Variants in GRIK2 observed in about 807,000 individuals in gnomAD.
GRIK2 encodes the protein glutamate ionotropic receptor kainate type subunit 2, also known as glutamate receptor ionotropic, kainate 2.
GRIK2 carries 32 observed loss-of-function variants against 100.3 expected under a neutral mutation model. The ratio of observed to expected loss-of-function variants is 0.32; its 90% CI spans 0.24 to 0.43. The LOEUF is 0.43. Ranked by LOEUF, GRIK2 falls within the 20% of genes least tolerant of loss-of-function variation. GRIK2 has a pLI of 1.00. For missense variants in GRIK2, 843 were observed against 1,114.9 expected (o/e 0.76, Z 3.47); for synonymous variants, 417 against 389.4 (o/e 1.07, Z -0.83).
chr6:101,856,679 G>A (rs1407724747), intron 10 of GRIK2, among the ~76,000 whole-genome samples: 5 of 152,172 alleles, frequency 3.3e-5, no homozygotes, highest in African/African-American at 9.7e-5. Context: ...GGAAACGTGA[G>A]TTCACTGAAT....
intron 14 of GRIK2, among the ~76,000 whole-genome samples, chr6:101,941,370 A>G (rs1289006999): frequency 6.6e-6 from 1 of 152,130 alleles, no homozygotes; most frequent in African/African-American, 2.4e-5. Flanking sequence ...CAATGAATGA[A>G]CATTGCAATT....
At chr6:101,588,662 G>GCACACGCACA (rs143076626) in intron 2 of GRIK2, among the ~76,000 whole-genome samples, 22,627 of 146,242 alleles carry the variant, frequency 0.15, 2,111 homozygotes, top group East Asian at 0.41. Context: ...TGACACACAC[G>GCACACGCACA]CACACGCACA....
chr6:101,539,969 GAAT>G (rs1775905005), intron 2 of GRIK2, among the ~76,000 whole-genome samples: 1 of 151,774 alleles, frequency 6.6e-6, no homozygotes, highest in African/African-American at 2.4e-5. Context: ...AAAAATTGGA[GAAT>G]AAGTGTGCAT....
At chr6:101,588,480 C>G (rs908034718) in intron 2 of GRIK2, among the ~76,000 whole-genome samples, 6 of 194 alleles carry the variant, frequency 0.031, no homozygotes, top group Non-Finnish European at 0.061. Context: ...CAGAATTGTT[C>G]TAAGATAAGG....
chr6:101,581,940 A>G (rs911854286), intron 2 of GRIK2, among the ~76,000 whole-genome samples: 1 of 152,100 alleles, frequency 6.6e-6, no homozygotes, highest in African/African-American at 2.4e-5. Context: ...ACCTTGAATT[A>G]TAATAATCCC....
intron 7 of GRIK2, among the ~76,000 whole-genome samples, chr6:101,748,117 A>G (rs1468313559): frequency 6.6e-6 from 1 of 152,212 alleles, no homozygotes; most frequent in Non-Finnish European, 1.5e-5. Context: ...TGGTTGGGTT[A>G]AGTTATAACA....
intron 2 of GRIK2, among the ~76,000 whole-genome samples, chr6:101,421,262 A>G (rs942037672): frequency 6.6e-6 from 1 of 152,204 alleles, no homozygotes; most frequent in Non-Finnish European, 1.5e-5. Context: ...GTCTCAGGAA[A>G]GGCTTTATTC....
chr6:101,904,805 T>C (rs1788113778), intron 12 of GRIK2, among the ~76,000 whole-genome samples: 2 of 151,574 alleles, frequency 1.3e-5, no homozygotes, highest in Admixed American at 6.6e-5. Flanking sequence ...TTATTTTGTG[T>C]TTATTGCAAG....
intron 2 of GRIK2, among the ~76,000 whole-genome samples, chr6:101,529,326 C>T (rs1775306417): frequency 6.6e-6 from 1 of 152,008 alleles, no homozygotes; most frequent in Non-Finnish European, 1.5e-5. Context: ...AATGTATTCT[C>T]ACCCGATAAT....
intron 7 of GRIK2, among the ~76,000 whole-genome samples, chr6:101,764,644 TATC>T: frequency 6.6e-6 from 1 of 152,078 alleles, no homozygotes; most frequent in South Asian, 2.1e-4. Context: ...TTCTCTTCAT[TATC>T]ATCATTGTTA....
intron 15 of GRIK2, among the ~76,000 whole-genome samples, chr6:102,042,370 A>G (rs1003984000): frequency 2.6e-5 from 4 of 151,654 alleles, no homozygotes; most frequent in African/African-American, 9.7e-5. Context: ...TATAAACATA[A>G]ATCATCTTTC....
chr6:102,065,247 A>C (rs1182340885), intron 16 of GRIK2, among the ~76,000 whole-genome samples: 1 of 151,262 alleles, frequency 6.6e-6, no homozygotes, highest in Non-Finnish European at 1.5e-5. Context: ...AATATAATTT[A>C]TTTAAGACAA....
intron 2 of GRIK2, among the ~76,000 whole-genome samples, chr6:101,617,054 G>A (rs1373374841): frequency 6.6e-6 from 1 of 151,440 alleles, no homozygotes; most frequent in East Asian, 1.9e-4. Context: ...ATGCATAGAT[G>A]TTTTTCAAAT....
At chr6:101,597,067 C>A (rs190919260) in intron 2 of GRIK2, among the ~76,000 whole-genome samples, 1 of 151,686 alleles carries the variant, frequency 6.6e-6, no homozygotes, top group African/African-American at 2.4e-5. Flanking sequence ...CCATAGAAAA[C>A]AACAAAATTA....
intron 14 of GRIK2, among the ~76,000 whole-genome samples, chr6:101,994,481 T>A (rs1462729336): frequency 6.6e-6 from 1 of 151,914 alleles, no homozygotes; most frequent in Non-Finnish European, 1.5e-5. Context: ...ACTAGCATTT[T>A]AAATACTTTT....
At chr6:101,475,833 C>T (rs540908919) in intron 2 of GRIK2, among the ~76,000 whole-genome samples, 24 of 152,004 alleles carry the variant, frequency 1.6e-4, no homozygotes, top group Non-Finnish European at 3.5e-4. Flanking sequence ...TCACTGATAC[C>T]TACTAAAACA....
In GRIK2 at chr6:101,686,301, G is replaced by T. The variant is rs1180999815; in HGVS notation, c.899G>T (p.Arg300Leu). The stretch of plus-strand genomic sequence containing the variant: ...ATCATTGAAAAGTGGTCGATGGAAC[G>T]ATTGCAGGCACCTCCGAAACCCGAT... ...SSIIEKWSMERLQAPPKPDSG... is the reference protein window; with the variant it reads ...SSIIEKWSMELLQAPPKPDSG... The change falls in exon 7 of 17, where the codon CGA (arginine) becomes CTA (leucine). Residue 300 changes from arginine (R) to leucine (L), a missense_variant. By Grantham distance (102) the Arg-to-Leu change is moderately radical. This residue lies in a region of GRIK2 where 519 missense variants were observed against 643.8 expected (regional missense o/e 0.81). Coordinates refer to ENST00000369134, the MANE Select transcript of GRIK2 (RefSeq NM_021956.5). 1.9e-6 allele frequency: 3 copies of T among 1,613,482 alleles called. No homozygotes were observed. The highest frequency in any genetic ancestry group is 1.7e-6 in the Non-Finnish European group (2 of 1,179,540).
At chr6:101,675,306 CCACACACACA>C (rs3056135) in intron 4 of GRIK2, among the ~76,000 whole-genome samples, 1 of 149,206 alleles carries the variant, frequency 6.7e-6, no homozygotes, top group African/African-American at 2.5e-5. Context: ...CACACACACA[CCACACACACA>C]CACACACACA....
At chr6:101,575,713 G>C (rs1246163781) in intron 2 of GRIK2, among the ~76,000 whole-genome samples, 1 of 151,960 alleles carries the variant, frequency 6.6e-6, no homozygotes, top group African/African-American at 2.4e-5. Flanking sequence ...TTAAGCCTTA[G>C]CTTTATAATC....
Sources: allele counts gnomAD v4.1 joint callset (sites outside exome capture counted in the v4.1 genomes callset), GRCh38; gene constraint gnomAD v4.1.1; regional missense constraint gnomAD v4.1.1; transcripts MANE v1.5; gene names NCBI Gene and HGNC (gene_info 2026-07-23, HGNC 2026-07-21).